The following EXOC6B variants were observed in gnomAD, a reference collection of about 807,000 sequenced individuals.
The protein encoded by EXOC6B is SEC15 homolog B.
Under a neutral mutation model 113.5 loss-of-function variants are expected in EXOC6B, and 54 were observed. That is an observed-to-expected ratio of 0.48 (90% confidence interval 0.38 to 0.60). The LOEUF (loss-of-function observed/expected upper bound fraction) is 0.60. Among genes scored for constraint, EXOC6B ranks in the 20% least tolerant of loss-of-function variants. The probability of loss-of-function intolerance (pLI) is 0.00; values close to 1 mark genes in which losing one functional copy is unlikely to be tolerated. For synonymous variants in EXOC6B, 357 were observed against 339.0 expected (o/e 1.05, Z -0.58); for missense variants, 797 against 977.5 (o/e 0.82, Z 2.46).
At position 72,199,228 on chromosome 2, in the gene EXOC6B, T is replaced by G. The variant is rs767222015; in HGVS notation, c.2197-15041A>C. Among the ~76,000 whole-genome samples the G allele has an allele frequency of 4.6e-5, 7 of 152,122 alleles. No homozygotes were observed. The South Asian group carries it at 6.2e-4, about 14-fold the overall frequency. On this transcript the variant is annotated intron_variant, in intron 20 of 21. Coordinates refer to ENST00000272427, the MANE Select transcript of EXOC6B (RefSeq NM_015189.3). ...ATTCTATTTAGATTTTCAAGGTGAT[T>G]TTATTAGACAGCTGACTTAAAGGGT... is the stretch of plus-strand genomic sequence containing the variant.
chr2:72,588,502 T>C (rs1028784477), intron 6 of EXOC6B, among the ~76,000 whole-genome samples: 4 of 151,772 alleles, frequency 2.6e-5, no homozygotes, highest in Non-Finnish European at 5.9e-5. Context: ...GAAAGTAGAA[T>C]GGTGGTTGCT....
At chr2:72,345,190 T>C (rs538733347) in intron 19 of EXOC6B, among the ~76,000 whole-genome samples, 14 of 152,322 alleles carry the variant, frequency 9.2e-5, no homozygotes, top group African/African-American at 3.1e-4. Flanking sequence ...AAGCTTTTTA[T>C]AGACTCTGCA....
intron 20 of EXOC6B, among the ~76,000 whole-genome samples, chr2:72,224,826 GTGTA>G (rs1559033889): frequency 4.0e-5 from 6 of 150,508 alleles, no homozygotes; most frequent in African/African-American, 9.8e-5. Flanking sequence ...GTGTGCGTGT[GTGTA>G]TGTGTGTATG....
At chr2:72,600,668 G>A (rs148900322) in intron 6 of EXOC6B, among the ~76,000 whole-genome samples, 55 of 152,146 alleles carry the variant, frequency 3.6e-4, no homozygotes, top group African/African-American at 1.2e-3. Context: ...TAAAATGAAT[G>A]TAGACACAGA....
chr2:72,254,770 G>A (rs927566911), intron 20 of EXOC6B, among the ~76,000 whole-genome samples: 2 of 152,106 alleles, frequency 1.3e-5, no homozygotes, highest in Non-Finnish European at 2.9e-5. Flanking sequence ...CTAGCACTTT[G>A]GCAGAAAACT....
intron 20 of EXOC6B, among the ~76,000 whole-genome samples, chr2:72,197,773 C>T (rs1358556842): frequency 6.6e-6 from 1 of 152,012 alleles, no homozygotes; most frequent in Non-Finnish European, 1.5e-5. Context: ...AAATCAGTTG[C>T]CTTTAGAGAC....
chr2:72,228,154 T>G (rs558123148), intron 20 of EXOC6B, among the ~76,000 whole-genome samples: 9 of 152,282 alleles, frequency 5.9e-5, no homozygotes, highest in African/African-American at 1.9e-4. Flanking sequence ...TGTCTAAGTA[T>G]GGGGCTGATG....
intron 18 of EXOC6B, chr2:72,464,393 T>A (rs910669266): frequency 2.6e-5 from 4 of 152,178 alleles, no homozygotes; most frequent in Admixed American, 1.3e-4. Flanking sequence ...CAGAGCCATA[T>A]CCTACCAACA....
intron 6 of EXOC6B, among the ~76,000 whole-genome samples, chr2:72,657,630 G>A (rs1446368962): frequency 9.2e-6 from 1 of 108,808 alleles, no homozygotes; most frequent in Non-Finnish European, 1.7e-5. Context: ...GCTGGAATAT[G>A]GGTAGGACAA....
At chr2:72,308,166 T>C (rs1247870222) in intron 20 of EXOC6B, among the ~76,000 whole-genome samples, 3 of 152,154 alleles carry the variant, frequency 2.0e-5, no homozygotes, top group Admixed American at 6.5e-5. Context: ...TCTTTTTCCA[T>C]TTACCTCATT....
intron 18 of EXOC6B, among the ~76,000 whole-genome samples, chr2:72,387,347 A>G (rs1337262975): frequency 6.6e-6 from 1 of 152,208 alleles, no homozygotes; most frequent in African/African-American, 2.4e-5. Context: ...TGTTGGTCTC[A>G]TAAAATAAGT....
chr2:72,819,087 A>G (rs977596231), intron 1 of EXOC6B, among the ~76,000 whole-genome samples: 2 of 152,216 alleles, frequency 1.3e-5, no homozygotes, highest in Non-Finnish European at 2.9e-5. Flanking sequence ...TATCTGGCAC[A>G]TAGACATTGC....
At chr2:72,532,925 G>A (rs936151988) in intron 8 of EXOC6B, among the ~76,000 whole-genome samples, 1 of 152,032 alleles carries the variant, frequency 6.6e-6, no homozygotes, top group Non-Finnish European at 1.5e-5. Flanking sequence ...ATAACTATGT[G>A]GGATGACTTC....
At chr2:72,676,177 G>C (rs890058924) in intron 6 of EXOC6B, among the ~76,000 whole-genome samples, 3 of 151,290 alleles carry the variant, frequency 2.0e-5, no homozygotes, top group African/African-American at 7.3e-5. Flanking sequence ...TTTTGAGAAG[G>C]GAAAAAAATC....
chr2:72,485,708 T>C (rs1230554357), intron 16 of EXOC6B, among the ~76,000 whole-genome samples: 3 of 152,182 alleles, frequency 2.0e-5, no homozygotes, highest in African/African-American at 7.2e-5. Context: ...TCACTTCTGT[T>C]AACAAGAGAG....
At chr2:72,810,729 T>C (rs952035393) in intron 1 of EXOC6B, among the ~76,000 whole-genome samples, 3 of 151,724 alleles carry the variant, frequency 2.0e-5, no homozygotes, top group Non-Finnish European at 2.9e-5. Context: ...ACAATACCAA[T>C]ATAAAGAATG....
intron 19 of EXOC6B, among the ~76,000 whole-genome samples, chr2:72,367,676 C>G (rs1690716983): frequency 1.3e-5 from 2 of 152,178 alleles, no homozygotes; most frequent in Admixed American, 6.5e-5. Context: ...TGACGCCACC[C>G]CTCCCCCATC....
At chr2:72,796,070 A>C (rs1198421279) in intron 1 of EXOC6B, among the ~76,000 whole-genome samples, 1 of 149,636 alleles carries the variant, frequency 6.7e-6, no homozygotes, top group Admixed American at 6.7e-5. Flanking sequence ...TGATCCGCCC[A>C]CCTTGGCCTC....
At chr2:72,783,318 CTTTTTTTT>C (rs70963146) in intron 1 of EXOC6B, among the ~76,000 whole-genome samples, 1 of 60,412 alleles carries the variant, frequency 1.7e-5, no homozygotes, top group Non-Finnish European at 2.8e-5. Context: ...TTTTTCTTTT[CTTTTTTTT>C]TTTTTTTTTT....
Sources: allele counts gnomAD v4.1 joint callset (sites outside exome capture counted in the v4.1 genomes callset), GRCh38; gene constraint gnomAD v4.1.1; transcripts MANE v1.5; gene names NCBI Gene and HGNC (gene_info 2026-07-23, HGNC 2026-07-21).